Variants in MARCHF8 observed in about 807,000 individuals in gnomAD.
The protein encoded by MARCHF8 is membrane associated ring-CH-type finger 8.
A neutral mutation model predicts 51.6 loss-of-function variants in MARCHF8; 40 were observed. That is an observed-to-expected ratio of 0.77 (90% CI 0.60 to 1.01). MARCHF8 has a LOEUF of 1.01. MARCHF8 is among the 50% of genes least tolerant of loss of function. The pLI is 0.00. For synonymous variants in MARCHF8, 263 were observed against 280.3 expected (o/e 0.94, Z 0.62); for missense variants, 685 against 708.6 (o/e 0.97, Z 0.38).
At position 45,458,530 on chromosome 10, in the gene MARCHF8, C is replaced by T; in HGVS notation, c.1431G>A (p.Trp477Ter). 1 of 1,590,632 alleles carries T rather than the reference C, an allele frequency of 6.3e-7. No individual in the cohort carries two copies. The highest frequency in any genetic ancestry group is 8.5e-7 in the Non-Finnish European group (1 of 1,169,950). ...CAACCACCAATTTAGTCCAAAAGGG[C>T]CATTCTAGGATTCCTGGAAGGGAAA... Reference protein sequence around the residue: ...KQGQATGILEWPFWTKLVVVA... With the variant: ...KQGQATGILE Residue 477 changes from tryptophan (W) to a stop codon, truncating the protein, a stop_gained, in exon 8 of 8, where the codon TGG becomes TGA. Transcript: ENST00000453424. LOFTEE classifies it high-confidence loss of function.
At chr10:45,516,877 C>CA (rs2043628267) in intron 2 of MARCHF8, among the ~76,000 whole-genome samples, 1 of 152,194 alleles carries the variant, frequency 6.6e-6, no homozygotes, top group Non-Finnish European at 1.5e-5. Context: ...TATAAAATGG[C>CA]AACCCCAGCT....
chr10:45,529,233 T>C (rs1445087643), intron 2 of MARCHF8, among the ~76,000 whole-genome samples: 3 of 152,198 alleles, frequency 2.0e-5, no homozygotes, highest in Non-Finnish European at 2.9e-5. Context: ...CTATACATGA[T>C]ACTTGGGAGA....
intron 2 of MARCHF8, among the ~76,000 whole-genome samples, chr10:45,500,058 A>G (rs1169616270): frequency 2.6e-5 from 4 of 151,688 alleles, no homozygotes; most frequent in African/African-American, 4.9e-5. Context: ...AAGTTTTCCA[A>G]TAAACACAGG....
chr10:45,523,745 T>C (rs73287380), intron 2 of MARCHF8, among the ~76,000 whole-genome samples: 3,745 of 152,228 alleles, frequency 0.025, 153 homozygotes, highest in African/African-American at 0.084. Flanking sequence ...ACTCAACTTA[T>C]ATGCAACACA....
intron 3 of MARCHF8, among the ~76,000 whole-genome samples, chr10:45,487,057 C>A (rs1230621195): frequency 1.3e-5 from 2 of 151,134 alleles, no homozygotes; most frequent in African/African-American, 4.9e-5. Context: ...GTGATCCGCC[C>A]GCTTCAGCCT....
chr10:45,479,749 C>T (rs965066269), intron 3 of MARCHF8, among the ~76,000 whole-genome samples: 3 of 152,206 alleles, frequency 2.0e-5, no homozygotes, highest in African/African-American at 7.2e-5. Flanking sequence ...TCCATTAAAC[C>T]TCTTTTACTT....
chr10:45,581,742 C>CCATTAG (rs1437841096), intron 1 of MARCHF8, among the ~76,000 whole-genome samples: 3 of 152,084 alleles, frequency 2.0e-5, no homozygotes, highest in African/African-American at 7.2e-5. Flanking sequence ...CTACTAGGTG[C>CCATTAG]CATTAGCACC....
intron 1 of MARCHF8, among the ~76,000 whole-genome samples, chr10:45,546,226 T>C (rs1214379750): frequency 3.3e-5 from 5 of 151,954 alleles, no homozygotes; most frequent in Admixed American, 6.6e-5. Flanking sequence ...AGTGGTGCAA[T>C]CTCGGCTCAC....
At chr10:45,465,296 C>A (rs1842932619) in intron 3 of MARCHF8, among the ~76,000 whole-genome samples, 1 of 152,208 alleles carries the variant, frequency 6.6e-6, no homozygotes, top group African/African-American at 2.4e-5. Context: ...GCAACCCCAA[C>A]AGCCCCAGGA....
At chr10:45,572,518 G>A (rs1242962279) in intron 1 of MARCHF8, among the ~76,000 whole-genome samples, 6 of 152,068 alleles carry the variant, frequency 3.9e-5, no homozygotes, top group Non-Finnish European at 1.5e-5. Context: ...GGCTCTAAAT[G>A]GCCAGAAAAC....
chr10:45,547,871 G>C (rs758873643), intron 1 of MARCHF8, among the ~76,000 whole-genome samples: 1 of 152,116 alleles, frequency 6.6e-6, no homozygotes, highest in Non-Finnish European at 1.5e-5. Context: ...TAATAAATTA[G>C]ATATTTCAAA....
intron 2 of MARCHF8, among the ~76,000 whole-genome samples, chr10:45,530,609 G>A (rs931079318): frequency 6.6e-6 from 1 of 151,962 alleles, no homozygotes; most frequent in East Asian, 1.9e-4. Flanking sequence ...GCAAGACCCC[G>A]ACTCTACAAA....
intron 5 of MARCHF8, 123 bp from the exon 6 acceptor site, chr10:45,461,534 G>T: frequency 1.4e-6 from 1 of 715,580 alleles, no homozygotes. Context: ...GTGACTATGG[G>T]CACAAAAACA....
intron 2 of MARCHF8, among the ~76,000 whole-genome samples, chr10:45,511,775 C>A (rs2043512899): frequency 6.6e-6 from 1 of 152,214 alleles, no homozygotes; most frequent in East Asian, 1.9e-4. Context: ...CACCTCCCAG[C>A]CGCCTGCCTT....
chr10:45,572,904 G>A (rs944608450), intron 1 of MARCHF8, among the ~76,000 whole-genome samples: 10 of 151,736 alleles, frequency 6.6e-5, no homozygotes, highest in South Asian at 4.2e-4. Flanking sequence ...CCTCCGCCCC[G>A]CCACCCTACA....
At chr10:45,488,305 T>C (rs887415331) in intron 3 of MARCHF8, among the ~76,000 whole-genome samples, 2 of 152,150 alleles carry the variant, frequency 1.3e-5, no homozygotes, top group African/African-American at 4.8e-5. Flanking sequence ...GCCTTCCTGC[T>C]GAAAATGGTG....
At chr10:45,555,722 C>T (rs908148649) in intron 1 of MARCHF8, among the ~76,000 whole-genome samples, 11 of 140,666 alleles carry the variant, frequency 7.8e-5, no homozygotes, top group Admixed American at 4.5e-4. Context: ...CCAGCCTGAG[C>T]GACATTGTAA....
chr10:45,499,692 T>TCC (rs747494858), intron 2 of MARCHF8, among the ~76,000 whole-genome samples: 11 of 152,320 alleles, frequency 7.2e-5, no homozygotes, highest in Non-Finnish European at 1.2e-4. Flanking sequence ...GAAAAGACTG[T>TCC]CCTTTCCTCA....
At position 45,463,551 on chromosome 10, in the gene MARCHF8, C is replaced by T; in HGVS notation, c.688G>A (p.Glu230Lys). The T allele has an allele frequency of 6.4e-7, 1 of 1,550,662 alleles. No individual in the cohort carries two copies. Among genetic ancestry groups the T allele is most frequent in the Non-Finnish European group, 8.7e-7 (1 of 1,147,010 alleles). Residue 230 changes from glutamate (E) to lysine (K), a missense_variant, in exon 5 of 8, where the codon GAG becomes AAG. Physicochemically the swap from Glu to Lys is moderately conservative, Grantham distance 56. Transcript: ENST00000453424. ...CTGCCCCCCTTGCCAGCTTCCACCT[C>T]TGAGGCAGTTGAGCGACCGGCAGAA... is the stretch of plus-strand genomic sequence containing the variant. ...CLSAGRSTASEVEAGKGGRPG... is the reference protein window; with the variant it reads ...CLSAGRSTASKVEAGKGGRPG...
Sources: allele counts gnomAD v4.1 joint callset (sites outside exome capture counted in the v4.1 genomes callset), GRCh38; gene constraint gnomAD v4.1.1; transcripts MANE v1.5; gene names NCBI Gene and HGNC (gene_info 2026-07-23, HGNC 2026-07-21).